The following ITGA8 variants were observed in gnomAD, a reference collection of about 807,000 sequenced individuals.
ITGA8 encodes the protein integrin alpha-8.
In ITGA8, 91 loss-of-function variants were observed where a neutral mutation model predicts 142.3. The ratio of observed to expected loss-of-function variants is 0.64; its 90% CI spans 0.54 to 0.76. The LOEUF (loss-of-function observed/expected upper bound fraction) is 0.76, where lower values mean the gene tolerates loss of function less well. ITGA8 is among the 30% of genes least tolerant of loss of function. ITGA8 has a pLI of 0.00. For synonymous variants in ITGA8, 505 were observed against 485.2 expected, an observed-to-expected ratio of 1.04 and a Z score of -0.54; for missense variants, 1,406 against 1,327.7, an observed-to-expected ratio of 1.06 and a Z score of -0.92.
chr10:15,654,192 T>C (rs1834142071), intron 11 of ITGA8, among the ~76,000 whole-genome samples: 1 of 152,230 alleles, frequency 6.6e-6, no homozygotes, highest in Admixed American at 6.5e-5. Context: ...TGAATAAAAC[T>C]GAATTATCAG....
At chr10:15,585,710 T>C (rs1832816033) in intron 23 of ITGA8, among the ~76,000 whole-genome samples, 2 of 152,246 alleles carry the variant, frequency 1.3e-5, no homozygotes, top group African/African-American at 4.8e-5. Context: ...CCATTTCTGA[T>C]TTCTTTTTCC....
chr10:15,566,325 T>G (rs150813125), intron 25 of ITGA8, among the ~76,000 whole-genome samples: 346 of 152,308 alleles, frequency 2.3e-3, no homozygotes, highest in Non-Finnish European at 3.3e-3. Flanking sequence ...TCTTAGTCTA[T>G]AGAGTCTTTC....
chr10:15,596,084 T>C (rs1383006502), intron 21 of ITGA8, among the ~76,000 whole-genome samples: 2 of 152,162 alleles, frequency 1.3e-5, no homozygotes, highest in Non-Finnish European at 2.9e-5. Context: ...TGGATTTTTC[T>C]CAAAAAACTA....
At chr10:15,697,046 A>AACACACACACAC (rs1491456295) in intron 2 of ITGA8, among the ~76,000 whole-genome samples, 5,843 of 147,384 alleles carry the variant, frequency 0.04, 146 homozygotes, top group African/African-American at 0.075. Context: ...TTGTCTCTAA[A>AACACACACACAC]ACACACACAC....
intron 13 of ITGA8, among the ~76,000 whole-genome samples, chr10:15,617,241 A>G (rs1833410311): frequency 6.6e-6 from 1 of 152,194 alleles, no homozygotes; most frequent in African/African-American, 2.4e-5. Flanking sequence ...CAAATGAGTC[A>G]ATTGAGACTT....
chr10:15,575,537 C>T lies in ITGA8; in HGVS notation c.2430G>A (p.Glu810=), dbSNP rs756449292. Residue 810 remains glutamate (E), a synonymous_variant, in exon 24 of 30, where the codon GAG becomes GAA. Coordinates refer to ENST00000378076, the MANE Select transcript of ITGA8 (RefSeq NM_003638.3). The stretch of plus-strand genomic sequence containing the variant: ...GTCCAACCTCCTCCTCTTTGTGGGG[C>T]TCCTCTTCTGGTTCCCAGTTATGAA... ...LPIHNWEPEE[E]PHKEEEVGPL... 11 of 1,613,968 alleles carry T rather than the reference C, an allele frequency of 6.8e-6. No homozygotes were observed. The African/African-American group carries it at 1.5e-4, about 22-fold the overall frequency.
chr10:15,697,361 T>C (rs147936327), intron 2 of ITGA8, among the ~76,000 whole-genome samples: 23 of 152,210 alleles, frequency 1.5e-4, no homozygotes, highest in African/African-American at 5.1e-4. Context: ...GACAATGTTT[T>C]TAAATTGCGA....
Position 15,644,033 on chromosome 10 carries a change from G to A in ITGA8, c.1396C>T (p.Pro466Ser), listed in dbSNP as rs1833918554. 6.2e-7 allele frequency: 1 copy of A among 1,611,086 alleles called. No homozygotes were observed. Among genetic ancestry groups the A allele is most frequent in the Admixed American group, 1.7e-5 (1 of 59,808 alleles). The change falls in exon 13 of 30, where the codon CCA becomes TCA. Residue 466 changes from proline (P) to serine (S), a missense_variant. Pro to Ser is a moderately conservative substitution (Grantham distance 74). Coordinates refer to ENST00000378076, the MANE Select transcript of ITGA8 (RefSeq NM_003638.3). ...GGGAAAAGAAAGAAAACCTTACCTG[G>A]GTAATCATTCTTGTCTATGTCTGAA... is the stretch of plus-strand genomic sequence containing the variant. ...GDSDIDKNDY[P>S]DLIVGAFGTG...
At chr10:15,650,173 A>G (rs959781734) in intron 11 of ITGA8, among the ~76,000 whole-genome samples, 1 of 152,162 alleles carries the variant, frequency 6.6e-6, no homozygotes, top group Non-Finnish European at 1.5e-5. Context: ...AAAGAAGCCA[A>G]TCTGAAAAGG....
At chr10:15,604,135 T>C (rs1370283039) in intron 20 of ITGA8, 73 bp downstream of exon 20, 1 of 1,307,982 alleles carries the variant, frequency 7.6e-7, no homozygotes, top group African/African-American at 1.5e-5. Flanking sequence ...TCAGCTAAGA[T>C]GGCCCTTCTT....
At chr10:15,711,529 A>T (rs1368082853) in intron 2 of ITGA8, among the ~76,000 whole-genome samples, 1 of 152,004 alleles carries the variant, frequency 6.6e-6, no homozygotes, top group Non-Finnish European at 1.5e-5. Context: ...ATATTAATAT[A>T]GATTATTTAT....
chr10:15,621,474 G>T (rs901337515), intron 13 of ITGA8, among the ~76,000 whole-genome samples: 1 of 152,078 alleles, frequency 6.6e-6, no homozygotes, highest in Non-Finnish European at 1.5e-5. Context: ...TTTTAAATGA[G>T]GAAGAAAAGC....
At chr10:15,541,149 C>T (rs1253882194) in intron 27 of ITGA8, among the ~76,000 whole-genome samples, 1 of 152,220 alleles carries the variant, frequency 6.6e-6, no homozygotes, top group Non-Finnish European at 1.5e-5. Context: ...GCTCCTCAGG[C>T]AGCAGGTCCA....
chr10:15,588,908 G>T (rs891981863), intron 22 of ITGA8, among the ~76,000 whole-genome samples: 2 of 152,184 alleles, frequency 1.3e-5, no homozygotes, highest in African/African-American at 4.8e-5. Context: ...ATCATCTTTT[G>T]TCACACAGAC....
chr10:15,693,870 G>GT (rs542906903), intron 2 of ITGA8, among the ~76,000 whole-genome samples: 1 of 151,378 alleles, frequency 6.6e-6, no homozygotes, highest in East Asian at 1.9e-4. Context: ...AGGTCCATAG[G>GT]TTTTTTTTCT....
chr10:15,517,664 A>G (rs551506379), intron 29 of ITGA8, among the ~76,000 whole-genome samples: 2 of 152,216 alleles, frequency 1.3e-5, no homozygotes, highest in Non-Finnish European at 2.9e-5. Flanking sequence ...CTGCACGTAT[A>G]ATCAGTCTGT....
intron 2 of ITGA8, among the ~76,000 whole-genome samples, chr10:15,690,289 C>G (rs537437102): frequency 2.6e-5 from 4 of 152,256 alleles, no homozygotes; most frequent in Admixed American, 6.5e-5. Context: ...TCTCATATGC[C>G]CTGTTGGCTC....
In ITGA8 at chr10:15,641,489, G is replaced by C. The variant is rs545503014; in HGVS notation, c.1399+2541C>G. ...GGGATCTTGCTATGAAGTTAAAAAG[G>C]CTTCTTTGAATGGCATTCTTTTTGC... On this transcript the variant is annotated intron_variant, in intron 13 of 29. Transcript: ENST00000378076. Among the ~76,000 whole-genome samples, 8 of 152,248 alleles carry C rather than the reference G, an allele frequency of 5.3e-5. No individual in the cohort carries two copies. The South Asian group carries it at 1.7e-3, about 32-fold the overall frequency.
At chr10:15,617,075 A>G (rs1026645328) in intron 13 of ITGA8, among the ~76,000 whole-genome samples, 2 of 152,246 alleles carry the variant, frequency 1.3e-5, no homozygotes, top group African/African-American at 4.8e-5. Flanking sequence ...AGTAGTATAT[A>G]AAATAACTAA....
Sources: allele counts gnomAD v4.1 joint callset (sites outside exome capture counted in the v4.1 genomes callset), GRCh38; gene constraint gnomAD v4.1.1; transcripts MANE v1.5; gene names NCBI Gene and HGNC (gene_info 2026-07-23, HGNC 2026-07-21).